The following COL19A1 variants were observed in gnomAD, a reference collection of about 807,000 sequenced individuals.
COL19A1 encodes collagen type XIX alpha 1 chain.
COL19A1 carries 159 observed loss-of-function variants against 190.2 expected under a neutral mutation model. That is an observed-to-expected ratio of 0.84 (90% CI 0.73 to 0.95). The LOEUF (loss-of-function observed/expected upper bound fraction) is 0.95. Among genes scored for constraint, COL19A1 ranks in the 40% least tolerant of loss-of-function variants. COL19A1 has a pLI of 0.00. For missense variants in COL19A1, 1,418 were observed against 1,431.9 expected (o/e 0.99, Z 0.16); for synonymous variants, 509 against 458.9 (o/e 1.11, Z -1.39).
At position 69,998,569 on chromosome 6, in the gene COL19A1, C is replaced by T. The variant is rs543530732; in HGVS notation, c.1027-25058C>T. 6.8e-5 allele frequency among the ~76,000 whole-genome samples: 10 copies of T among 147,138 alleles called. No individual in the cohort carries two copies. In the East Asian group the frequency reaches 1.8e-3, roughly 27 times the overall value. On this transcript the variant is annotated intron_variant, in intron 11 of 50. Coordinates refer to ENST00000620364, the MANE Select transcript of COL19A1 (RefSeq NM_001858.6). ...GCTGCAGCAGGAGAATTGCATGAAC[C>T]GGGAAGTGGACGTTGCAGTAAGCCG...
intron 8 of COL19A1, among the ~76,000 whole-genome samples, chr6:69,937,472 G>A (rs140479307): frequency 6.6e-6 from 1 of 152,020 alleles, no homozygotes; most frequent in African/African-American, 2.4e-5. Context: ...GGACCTTTAT[G>A]AACTTCCTTT....
intron 11 of COL19A1, among the ~76,000 whole-genome samples, chr6:69,981,289 T>C (rs973021535): frequency 1.1e-4 from 16 of 152,292 alleles, no homozygotes; most frequent in African/African-American, 3.6e-4. Flanking sequence ...GAATACATTA[T>C]GGAACATCTA....
At chr6:69,927,383 A>G (rs1338899619) in intron 4 of COL19A1, among the ~76,000 whole-genome samples, 1 of 152,208 alleles carries the variant, frequency 6.6e-6, no homozygotes. Flanking sequence ...AGAAAAAGCT[A>G]ACAGGTATAT....
At chr6:70,168,937 GAC>G (rs1765332151) in intron 40 of COL19A1, among the ~76,000 whole-genome samples, 1 of 152,120 alleles carries the variant, frequency 6.6e-6, no homozygotes, top group African/African-American at 2.4e-5. Flanking sequence ...GATGGAGGAA[GAC>G]ACATATAAAC....
At chr6:69,926,743 G>A (rs1050130618) in intron 4 of COL19A1, among the ~76,000 whole-genome samples, 3 of 151,960 alleles carry the variant, frequency 2.0e-5, no homozygotes, top group Admixed American at 6.6e-5. Flanking sequence ...TTTGGTAAAA[G>A]GTATTAACTT....
chr6:70,034,189 C>A, intron 12 of COL19A1, 56 bp from the exon 13 acceptor site: 1 of 1,190,448 alleles, frequency 8.4e-7, no homozygotes, highest in Non-Finnish European at 1.3e-6. Flanking sequence ...TTACTAATGA[C>A]TTGTTAGAAA....
At chr6:69,956,686 G>A (rs1466431089) in intron 9 of COL19A1, among the ~76,000 whole-genome samples, 1 of 151,886 alleles carries the variant, frequency 6.6e-6, no homozygotes, top group Non-Finnish European at 1.5e-5. Context: ...TATTTTATTG[G>A]TTTTAGTCCT....
In COL19A1 at chr6:70,193,222, T is replaced by C. The variant is rs115394711; in HGVS notation, c.3094+2841T>C. ...GTGCATTCAGCAAAAGAGACACTTC[T>C]ACTCCCTCCTGGGGAAGGCTCCGTC... On this transcript the variant is annotated intron_variant, in intron 48 of 50. Transcript: ENST00000620364. 2.7e-3 allele frequency among the ~76,000 whole-genome samples: 406 copies of C among 152,326 alleles called. 1 individual carries two copies. Among genetic ancestry groups the C allele is most frequent in the African/African-American group, 9.4e-3 (392 of 41,566 alleles).
At chr6:69,892,452 C>A (rs931209171) in intron 2 of COL19A1, among the ~76,000 whole-genome samples, 1 of 152,144 alleles carries the variant, frequency 6.6e-6, no homozygotes, top group Admixed American at 6.5e-5. Context: ...AAAAACAAAT[C>A]ATCATAGGAC....
At chr6:69,958,201 G>T (rs948639040) in intron 9 of COL19A1, among the ~76,000 whole-genome samples, 1 of 151,976 alleles carries the variant, frequency 6.6e-6, no homozygotes, top group African/African-American at 2.4e-5. Flanking sequence ...TGGGCTGTGA[G>T]CAAAGAAAAA....
intron 6 of COL19A1, among the ~76,000 whole-genome samples, chr6:69,930,711 G>A (rs567803065): frequency 6.6e-6 from 1 of 152,160 alleles, no homozygotes; most frequent in African/African-American, 2.4e-5. Flanking sequence ...CCAGCTACTC[G>A]GGAGGCTGAG....
At chr6:70,045,426 A>T (rs1330459425) in intron 14 of COL19A1, among the ~76,000 whole-genome samples, 2 of 150,810 alleles carry the variant, frequency 1.3e-5, no homozygotes, top group Non-Finnish European at 2.9e-5. Context: ...TTTGGTGCTT[A>T]CTTGTATGGC....
Position 69,915,417 on chromosome 6 carries a change from G to A in COL19A1, c.267-12492G>A, listed in dbSNP as rs75943841. Among the ~76,000 whole-genome samples the A allele has an allele frequency of 5.5e-3, 835 of 152,188 alleles. 19 individuals carry two copies. In the East Asian group the frequency reaches 0.069, roughly 13 times the overall value. On this transcript the variant is annotated intron_variant, in intron 4 of 50. Transcript: ENST00000620364. ...TACTTACAATGCTAACCATTGGAAG[G>A]GAGTCTGAAAAGCAAAGTTTATCCT...
At chr6:70,167,941 A>G in intron 37 of COL19A1, 84 bp from the exon 38 acceptor site, 2 of 968,504 alleles carry the variant, frequency 2.1e-6, no homozygotes, top group Non-Finnish European at 1.6e-6. Context: ...GAATAGGAAT[A>G]GTATCATTTG....
intron 49 of COL19A1, 46 bp downstream of exon 49, chr6:70,199,782 G>T (rs764636097): frequency 6.5e-7 from 1 of 1,543,604 alleles, no homozygotes; most frequent in East Asian, 2.3e-5. Flanking sequence ...TTAACTCTCT[G>T]TATTTATAAC....
At position 69,886,336 on chromosome 6, in the gene COL19A1, G is replaced by A. The variant is rs928176111; in HGVS notation, c.91+6678G>A. On this transcript the variant is annotated intron_variant, in intron 2 of 50. Coordinates refer to ENST00000620364, the MANE Select transcript of COL19A1 (RefSeq NM_001858.6). ...TCAAAAGACAAGAGATAACACAAAC[G>A]TGGCAAGGATATGGAGAAAAGAGAA... Among the ~76,000 whole-genome samples, 17 of 152,122 alleles carry A rather than the reference G, an allele frequency of 1.1e-4. No individual in the cohort carries two copies. The East Asian group carries it at 1.3e-3, about 12-fold the overall frequency.
intron 16 of COL19A1, among the ~76,000 whole-genome samples, chr6:70,107,366 G>T (rs571930108): frequency 1.3e-5 from 2 of 152,096 alleles, no homozygotes; most frequent in African/African-American, 4.8e-5. Context: ...TCACTAGCTT[G>T]TCCTGGAACA....
At chr6:69,916,226 G>T (rs1035364330) in intron 4 of COL19A1, among the ~76,000 whole-genome samples, 4 of 152,086 alleles carry the variant, frequency 2.6e-5, no homozygotes, top group African/African-American at 4.8e-5. Context: ...GGGAGCCACC[G>T]CGCCCAGCTT....
At chr6:70,081,934 G>A (rs1268093913) in intron 15 of COL19A1, among the ~76,000 whole-genome samples, 1 of 151,968 alleles carries the variant, frequency 6.6e-6, no homozygotes, top group East Asian at 1.9e-4. Flanking sequence ...TTTTTTAATG[G>A]TAGGAAAAAA....
Sources: allele counts gnomAD v4.1 joint callset (sites outside exome capture counted in the v4.1 genomes callset), GRCh38; gene constraint gnomAD v4.1.1; transcripts MANE v1.5; gene names NCBI Gene and HGNC (gene_info 2026-07-23, HGNC 2026-07-21).